The following SPATA16 variants were observed in gnomAD, a reference collection of about 807,000 sequenced individuals.
SPATA16 encodes spermatogenesis associated 16.
In SPATA16, 36 loss-of-function variants were observed where a neutral mutation model predicts 63.3. The ratio of observed to expected loss-of-function variants is 0.57; its 90% CI spans 0.44 to 0.75. The LOEUF is 0.75. Ranked by LOEUF, SPATA16 falls within the 30% of genes least tolerant of loss-of-function variation. SPATA16 has a pLI of 0.00. For missense variants in SPATA16, 646 were observed against 679.3 expected (o/e 0.95, Z 0.54); for synonymous variants, 203 against 216.7 (o/e 0.94, Z 0.56).
intron 5 of SPATA16, among the ~76,000 whole-genome samples, chr3:172,964,132 A>G (rs1733853398): frequency 6.6e-6 from 1 of 152,186 alleles, no homozygotes. Context: ...CCTACTGGCC[A>G]CAAGTAAGAC....
In SPATA16 at chr3:173,033,433, C is replaced by T. The variant is rs540359509; in HGVS notation, c.759-13858G>A. On this transcript the variant is annotated intron_variant, in intron 3 of 10. Transcript: ENST00000351008. ...CCTATCTTTTGACATTTTCATTTTT[C>T]GTTCTTGACATTTTCTCTTAAAAAA... 2.6e-5 allele frequency among the ~76,000 whole-genome samples: 4 copies of T among 152,254 alleles called. No individual in the cohort carries two copies. In the East Asian group the frequency reaches 5.8e-4, roughly 22 times the overall value.
At chr3:173,051,296 G>A (rs550896715) in intron 2 of SPATA16, among the ~76,000 whole-genome samples, 137 of 152,152 alleles carry the variant, frequency 9.0e-4, no homozygotes, top group African/African-American at 3.2e-3. Context: ...TCTGCCTCCC[G>A]GGTTCAAGCG....
intron 4 of SPATA16, among the ~76,000 whole-genome samples, chr3:173,006,807 A>G (rs1734955152): frequency 6.6e-6 from 1 of 152,180 alleles, no homozygotes; most frequent in Admixed American, 6.5e-5. Flanking sequence ...TGATTTATAT[A>G]TGCATTATTT....
At chr3:173,042,558 T>C (rs1411146675) in intron 3 of SPATA16, among the ~76,000 whole-genome samples, 1 of 152,214 alleles carries the variant, frequency 6.6e-6, no homozygotes, top group Non-Finnish European at 1.5e-5. Context: ...AGAGCTTATT[T>C]CTATTACCAC....
chr3:172,964,853 G>T (rs1297012496), intron 5 of SPATA16, among the ~76,000 whole-genome samples: 1 of 152,162 alleles, frequency 6.6e-6, no homozygotes, highest in African/African-American at 2.4e-5. Context: ...TATTATTTGA[G>T]ATGACTTTGA....
intron 4 of SPATA16, among the ~76,000 whole-genome samples, chr3:173,012,946 C>T (rs1355024729): frequency 6.6e-6 from 1 of 152,124 alleles, no homozygotes; most frequent in Non-Finnish European, 1.5e-5. Context: ...AGAGCTTCTG[C>T]ACAGCAAAAT....
chr3:173,059,736 G>A (rs1736329741), intron 2 of SPATA16, among the ~76,000 whole-genome samples: 1 of 150,410 alleles, frequency 6.6e-6, no homozygotes, highest in Non-Finnish European at 1.5e-5. Flanking sequence ...TGTGAGTTCA[G>A]CCATGGAAGC....
At chr3:173,020,921 T>G (rs924071334) in intron 3 of SPATA16, among the ~76,000 whole-genome samples, 1 of 152,232 alleles carries the variant, frequency 6.6e-6, no homozygotes, top group African/African-American at 2.4e-5. Context: ...TTCTTAACCT[T>G]TTTTTGAGAG....
chr3:172,983,298 G>T (rs1577118189), intron 4 of SPATA16, among the ~76,000 whole-genome samples: 2 of 149,520 alleles, frequency 1.3e-5, no homozygotes, highest in Non-Finnish European at 1.5e-5. Context: ...ATTAACCCCA[G>T]TTGCTTCCAT....
At chr3:172,980,303 CAAATGTA>C (rs1359136780) in intron 4 of SPATA16, among the ~76,000 whole-genome samples, 1 of 152,164 alleles carries the variant, frequency 6.6e-6, no homozygotes, top group Non-Finnish European at 1.5e-5. Flanking sequence ...TCCCATGAAT[CAAATGTA>C]AACAGTAACC....
intron 8 of SPATA16, among the ~76,000 whole-genome samples, chr3:172,917,216 G>A (rs1309195262): frequency 6.6e-6 from 1 of 152,196 alleles, no homozygotes; most frequent in Non-Finnish European, 1.5e-5. Flanking sequence ...CCACAAAAGA[G>A]GAGACATTAT....
chr3:172,920,864 A>G (rs16846256), intron 8 of SPATA16, among the ~76,000 whole-genome samples: 4,442 of 152,246 alleles, frequency 0.029, 216 homozygotes, highest in African/African-American at 0.1. Flanking sequence ...TGGTCATGGT[A>G]TTATGTCAAG....
At chr3:173,109,359 C>T (rs534010315) in intron 2 of SPATA16, among the ~76,000 whole-genome samples, 1 of 152,270 alleles carries the variant, frequency 6.6e-6, no homozygotes, top group Admixed American at 6.5e-5. Flanking sequence ...GGGGACTTAG[C>T]ATGAGTCAGA....
chr3:173,031,222 A>G (rs1735598648), intron 3 of SPATA16, among the ~76,000 whole-genome samples: 2 of 152,018 alleles, frequency 1.3e-5, no homozygotes, highest in Admixed American at 1.3e-4. Context: ...CGTACATTTT[A>G]TGTTATGTAT....
chr3:173,099,250 G>A (rs1289546916), intron 2 of SPATA16, among the ~76,000 whole-genome samples: 1 of 145,560 alleles, frequency 6.9e-6, no homozygotes, highest in African/African-American at 2.4e-5. Flanking sequence ...GAAAGAGAGA[G>A]AGAGAGTGAG....
At chr3:172,898,794 G>A (rs915258380) in intron 10 of SPATA16, among the ~76,000 whole-genome samples, 5 of 151,150 alleles carry the variant, frequency 3.3e-5, no homozygotes, top group Middle Eastern at 6.8e-3. Flanking sequence ...TTTTGAACTC[G>A]GATTTCAGTT....
In SPATA16 at chr3:172,920,389, T is replaced by C. The variant is rs892465151; in HGVS notation, c.1338+3819A>G. On this transcript the variant is annotated intron_variant, in intron 8 of 10. Transcript: ENST00000351008. ...TAATGACCAGGACTGCTCTGTACTT[T>C]AAAAAAGATATGTTTGAGTAAAGAA... Among the ~76,000 whole-genome samples, 4 of 152,324 alleles carry C rather than the reference T, an allele frequency of 2.6e-5. No individual in the cohort carries two copies. The South Asian group carries it at 8.3e-4, about 32-fold the overall frequency.
rs66547523 is a variant in SPATA16 at position 173,010,435 on chromosome 3, C to CGTGTGTGTGTGTGT, written c.848+9037_848+9050dup. On this transcript the variant is annotated intron_variant, in intron 4 of 10. Coordinates refer to ENST00000351008, the MANE Select transcript of SPATA16 (RefSeq NM_031955.6). ...GCCTGACCACTCTGGCACGTTGTGG[C>CGTGTGTGTGTGTGT]GTGTGTGTGTGTGTGTGTGTGTGTG... Among the ~76,000 whole-genome samples, 882 of 141,362 alleles carry CGTGTGTGTGTGTGT rather than the reference C, an allele frequency of 6.2e-3. 3 individuals are homozygous for CGTGTGTGTGTGTGT. The highest frequency in any genetic ancestry group is 7.9e-3 in the African/African-American group (297 of 37,612). 92.7% of individuals were successfully genotyped at this position (141,362 alleles called of 152,430 possible).
At chr3:173,010,702 G>A (rs1182297282) in intron 4 of SPATA16, among the ~76,000 whole-genome samples, 2 of 151,876 alleles carry the variant, frequency 1.3e-5, no homozygotes, top group African/African-American at 4.8e-5. Flanking sequence ...GGCTTCCAGT[G>A]CACCCACCCA....
Sources: gnomAD v4.1 joint callset for allele counts (sites outside exome capture counted in the v4.1 genomes callset) on GRCh38, gnomAD v4.1.1 for gene constraint, MANE v1.5 for transcripts, NCBI Gene and HGNC (gene_info 2026-07-23, HGNC 2026-07-21) for gene names.